HTR1F: variants seen among roughly 807,000 people sequenced by gnomAD.
HTR1F encodes 5-hydroxytryptamine receptor 1F.
A neutral mutation model predicts 24.0 loss-of-function variants in HTR1F; 17 were observed. The ratio of observed to expected loss-of-function variants is 0.71; its 90% confidence interval spans 0.48 to 1.06. The LOEUF is 1.06. HTR1F is among the 50% of genes least tolerant of loss of function. The pLI, the probability that HTR1F is intolerant of heterozygous loss-of-function variation, is 0.00. For synonymous variants in HTR1F, 186 were observed against 156.8 expected (o/e 1.19, Z -1.39); for missense variants, 391 against 427.8 (o/e 0.91, Z 0.76).
chr3:87,983,414 C>T (rs180855901), intron 2 of HTR1F, among the ~76,000 whole-genome samples: 57 of 152,254 alleles, frequency 3.7e-4, no homozygotes, highest in African/African-American at 1.3e-3. Context: ...TGGAGCAATC[C>T]TATACATTTT....
At chr3:87,985,182 A>C (rs1298079617) in intron 2 of HTR1F, among the ~76,000 whole-genome samples, 1 of 152,044 alleles carries the variant, frequency 6.6e-6, no homozygotes, top group Non-Finnish European at 1.5e-5. Context: ...CTAAAAATAC[A>C]AAATTAGCTG....
At chr3:87,794,422 C>T (rs569078371) in intron 1 of HTR1F, among the ~76,000 whole-genome samples, 78 of 152,124 alleles carry the variant, frequency 5.1e-4, no homozygotes, top group Non-Finnish European at 1.0e-3. Flanking sequence ...AAGGGGTTTT[C>T]TAAGCTTTGG....
Position 87,908,617 on chromosome 3 carries a change from G to C in HTR1F, c.-42-82091G>C, listed in dbSNP as rs141096815. Among the ~76,000 whole-genome samples the C allele has an allele frequency of 1.4e-3, 219 of 152,066 alleles. 1 individual carries two copies. Among genetic ancestry groups the C allele is most frequent in the Middle Eastern group, 0.014 (4 of 294 alleles). ...AGAGAAAGAATTTTATAAATATTTA[G>C]AGTCATGTCCATTTCCTCTTTTTAA... On this transcript the variant is annotated intron_variant, in intron 2 of 2. Transcript: ENST00000319595.
chr3:87,812,324 G>A (rs2130348), intron 1 of HTR1F, among the ~76,000 whole-genome samples: 1,814 of 152,258 alleles, frequency 0.012, 30 homozygotes, highest in African/African-American at 0.041. Context: ...TATGGACAAT[G>A]AAGTCCAGGC....
rs61407734 is a variant in HTR1F at position 87,873,095 on chromosome 3, T to TACAC, written c.-43+51007_-43+51010dup. On this transcript the variant is annotated intron_variant, in intron 2 of 2. Coordinates refer to ENST00000319595, the MANE Select transcript of HTR1F (RefSeq NM_001322209.2). ...ATGGATGGATACATACATGCATACA[T>TACAC]ACACACACACACACACACACACACA... 6.6e-3 allele frequency among the ~76,000 whole-genome samples: 894 copies of TACAC among 135,104 alleles called. 5 individuals are homozygous for TACAC. The highest frequency in any genetic ancestry group is 0.024 in the South Asian group (97 of 4,010). 88.6% of individuals were successfully genotyped at this position (135,104 alleles called of 152,430 possible).
At chr3:87,953,050 T>C (rs1704868158) in intron 2 of HTR1F, among the ~76,000 whole-genome samples, 1 of 151,880 alleles carries the variant, frequency 6.6e-6, no homozygotes, top group Non-Finnish European at 1.5e-5. Flanking sequence ...ACTCAAAATG[T>C]ATTAATGTAT....
chr3:87,896,995 A>G (rs761014731), intron 2 of HTR1F, among the ~76,000 whole-genome samples: 1 of 152,116 alleles, frequency 6.6e-6, no homozygotes, highest in Non-Finnish European at 1.5e-5. Context: ...GCAAAATAAT[A>G]TGAATGTTCC....
intron 2 of HTR1F, among the ~76,000 whole-genome samples, chr3:87,850,828 C>A (rs1705070015): frequency 6.6e-6 from 1 of 150,482 alleles, no homozygotes; most frequent in African/African-American, 2.4e-5. Flanking sequence ...AAAAAAAAAA[C>A]CTAGGGAAAG....
chr3:87,825,948 C>T (rs577703213), intron 2 of HTR1F, among the ~76,000 whole-genome samples: 1 of 152,280 alleles, frequency 6.6e-6, no homozygotes, highest in Non-Finnish European at 1.5e-5. Flanking sequence ...CTCTCTGGAA[C>T]TTAGTTTAAC....
At chr3:87,884,684 A>G (rs889781623) in intron 2 of HTR1F, among the ~76,000 whole-genome samples, 2 of 152,104 alleles carry the variant, frequency 1.3e-5, no homozygotes, top group Admixed American at 1.3e-4. Flanking sequence ...AGCAAAAAAA[A>G]GCAGAGATTG....
At chr3:87,797,763 A>G (rs962615261) in intron 1 of HTR1F, among the ~76,000 whole-genome samples, 15 of 152,338 alleles carry the variant, frequency 9.8e-5, no homozygotes, top group African/African-American at 3.1e-4. Flanking sequence ...AAAGAAGATT[A>G]AAAGTAGCTG....
At chr3:87,901,520 G>C (rs1706322850) in intron 2 of HTR1F, among the ~76,000 whole-genome samples, 9 of 152,112 alleles carry the variant, frequency 5.9e-5, no homozygotes, top group Admixed American at 5.9e-4. Flanking sequence ...CACCCAATAA[G>C]TAGTAGTGGC....
At chr3:87,869,420 G>A (rs990351) in intron 2 of HTR1F, among the ~76,000 whole-genome samples, 1 of 136,362 alleles carries the variant, frequency 7.3e-6, no homozygotes, top group Non-Finnish European at 1.6e-5. Flanking sequence ...TAGATAGATA[G>A]ATAGATAGAT....
intron 1 of HTR1F, among the ~76,000 whole-genome samples, chr3:87,803,445 G>A (rs1186783367): frequency 4.6e-5 from 7 of 151,940 alleles, no homozygotes; most frequent in Admixed American, 3.9e-4. Flanking sequence ...ATCTAAGGGG[G>A]GAAAATCTAT....
Position 87,991,890 on chromosome 3 carries a change from G to A in HTR1F, c.*40G>A, listed in dbSNP as rs2107529013. The A allele has an allele frequency of 2.0e-6, 3 of 1,502,506 alleles. No individual in the cohort carries two copies. Among genetic ancestry groups the A allele is most frequent in the East Asian group, 4.6e-5 (2 of 43,672 alleles). The allele number at this position is 1,502,506 out of a possible 1,614,324, so 93.1% of individuals were successfully genotyped here. On this transcript the variant is annotated 3_prime_UTR_variant, in exon 3 of 3. Coordinates refer to ENST00000319595, the MANE Select transcript of HTR1F (RefSeq NM_001322209.2). ...ATTATTGAAGGATGGGGGTTTTTGAGGGGAGGAATAACTAGATGAATGCCA... is the reference window on the plus strand; with the variant it reads ...ATTATTGAAGGATGGGGGTTTTTGAAGGGAGGAATAACTAGATGAATGCCA...
At chr3:87,912,668 C>A (rs1485320230) in intron 2 of HTR1F, among the ~76,000 whole-genome samples, 1 of 138,366 alleles carries the variant, frequency 7.2e-6, no homozygotes, top group Non-Finnish European at 1.5e-5. Context: ...CAGGAAGCAT[C>A]ATGCCACTAA....
intron 2 of HTR1F, among the ~76,000 whole-genome samples, chr3:87,945,845 C>A (rs112553175): frequency 6.6e-6 from 1 of 151,942 alleles, no homozygotes; most frequent in Middle Eastern, 3.4e-3. Context: ...CCTTCTTGGT[C>A]GCCAAAATGT....
intron 2 of HTR1F, among the ~76,000 whole-genome samples, chr3:87,929,183 T>C (rs1350958317): frequency 1.3e-5 from 2 of 152,142 alleles, no homozygotes; most frequent in African/African-American, 4.8e-5. Context: ...GTAGCTGCAG[T>C]GAGTGTAAAA....
chr3:87,860,411 G>T (rs1457638571), intron 2 of HTR1F, among the ~76,000 whole-genome samples: 3 of 152,136 alleles, frequency 2.0e-5, no homozygotes, highest in Non-Finnish European at 4.4e-5. Flanking sequence ...ATTATGTTGG[G>T]TTGGGAATTA....
Sources: gnomAD v4.1 joint callset for allele counts (sites outside exome capture counted in the v4.1 genomes callset) on GRCh38, gnomAD v4.1.1 for gene constraint, MANE v1.5 for transcripts, NCBI Gene and HGNC (gene_info 2026-07-23, HGNC 2026-07-21) for gene names.